HEXB: variants seen among roughly 807,000 people sequenced by gnomAD.
HEXB encodes beta-hexosaminidase subunit beta.
A neutral mutation model predicts 71.2 loss-of-function variants in HEXB; 51 were observed. The ratio of observed to expected loss-of-function variants is 0.72; its 90% CI spans 0.57 to 0.90. HEXB has a LOEUF of 0.90. Ranked by LOEUF, HEXB falls within the 40% of genes least tolerant of loss-of-function variation. The pLI is 0.00. For synonymous variants in HEXB, 266 were observed against 249.3 expected, an observed-to-expected ratio of 1.07 and a Z score of -0.63; for missense variants, 617 against 677.0, an observed-to-expected ratio of 0.91 and a Z score of 0.98.
intron 6 of HEXB, among the ~76,000 whole-genome samples, chr5:74,706,577 C>T (rs1007601940): frequency 1.3e-5 from 2 of 152,162 alleles, no homozygotes; most frequent in Admixed American, 6.5e-5. Flanking sequence ...CCGGGAAAAT[C>T]GGGTCACTCC....
At chr5:74,712,337 G>C (rs1228610325) in intron 6 of HEXB, among the ~76,000 whole-genome samples, 1 of 150,058 alleles carries the variant, frequency 6.7e-6, no homozygotes, top group South Asian at 2.1e-4. Flanking sequence ...GCTAGATGAC[G>C]AGTTAGTGGG....
intron 3 of HEXB, among the ~76,000 whole-genome samples, chr5:74,694,852 C>A (rs552889182): frequency 6.6e-6 from 1 of 151,972 alleles, no homozygotes; most frequent in South Asian, 2.1e-4. Context: ...TGCCTGTAAT[C>A]CCAACTACTT....
chr5:74,644,345 G>T (rs1394588180), intron 1 of HEXB, among the ~76,000 whole-genome samples: 1 of 152,218 alleles, frequency 6.6e-6, no homozygotes, highest in Non-Finnish European at 1.5e-5. Context: ...TTTGGGCAAG[G>T]TGGTGCTCTT....
rs144593440 is a variant in HEXB at position 74,652,814 on chromosome 5, G to A, written c.-377+12256G>A. ...TCCAATAAGGTGGCTACTCAGTCTT[G>A]TCTCACTGCAGTCCCAGGCCCATCC... On this transcript the variant is annotated intron_variant, in intron 1 of 13. Coordinates refer to the HEXB transcript ENST00000511181. The surrounding 1 kb of genome is among the most constrained non-coding windows in gnomAD (Gnocchi z 5.4). Among the ~76,000 whole-genome samples, 11 of 152,184 alleles carry A rather than the reference G, an allele frequency of 7.2e-5. No individual in the cohort carries two copies. Among genetic ancestry groups the A allele is most frequent in the Admixed American group, 3.3e-4 (5 of 15,284 alleles).
intron 6 of HEXB, among the ~76,000 whole-genome samples, chr5:74,712,930 A>G (rs1749583541): frequency 6.6e-6 from 1 of 152,204 alleles, no homozygotes; most frequent in Non-Finnish European, 1.5e-5. Context: ...ATTAAAAAAA[A>G]ACAAGTCACT....
intron 3 of HEXB, among the ~76,000 whole-genome samples, chr5:74,695,262 G>A (rs537250210): frequency 2.1e-5 from 3 of 142,144 alleles, no homozygotes; most frequent in South Asian, 4.7e-4. Flanking sequence ...GGAGTGCAGT[G>A]GTGAAATCTC....
intron 1 of HEXB, among the ~76,000 whole-genome samples, chr5:74,649,066 TGTGTGTA>T (rs1249220009): frequency 2.0e-5 from 3 of 152,148 alleles, no homozygotes; most frequent in African/African-American, 7.2e-5. Flanking sequence ...CAATGAACAT[TGTGTGTA>T]GACCCTTGTG....
Position 74,718,292 on chromosome 5 carries a change from G to A in HEXB, c.1171G>A (p.Val391Ile). 1 of 1,594,924 alleles carries A rather than the reference G, an allele frequency of 6.3e-7. No homozygotes were observed. Among genetic ancestry groups the A allele is most frequent in the Non-Finnish European group, 8.6e-7 (1 of 1,162,742 alleles). The change falls in exon 10 of 14, where the codon GTT (valine) becomes ATT (isoleucine). Residue 391 changes from valine (V) to isoleucine (I), a missense_variant and splice_region_variant. Val to Ile is a conservative substitution (Grantham distance 29, BLOSUM62 3). Transcript: ENST00000261416. ...ACTATAATTTTTTTGTAATACTAGG[G>A]TTTTGGATATTATTGCAACCATAAA... ...KKLESFYIQK[V>I]LDIIATINKG... is the part of the protein sequence containing the mutation.
At chr5:74,701,710 C>G (rs1371278859) in intron 5 of HEXB, among the ~76,000 whole-genome samples, 1 of 151,984 alleles carries the variant, frequency 6.6e-6, no homozygotes, top group African/African-American at 2.4e-5. Flanking sequence ...CCCAGATACT[C>G]CACTTTAAAA....
intron 1 of HEXB, among the ~76,000 whole-genome samples, chr5:74,669,593 T>A (rs1421409566): frequency 6.6e-6 from 1 of 152,142 alleles, no homozygotes; most frequent in Non-Finnish European, 1.5e-5. Flanking sequence ...CTGAATAGGA[T>A]CTATATCAGG....
At chr5:74,695,201 C>CT (rs35812692) in intron 3 of HEXB, among the ~76,000 whole-genome samples, 2,254 of 114,430 alleles carry the variant, frequency 0.02, 116 homozygotes, top group African/African-American at 0.05. Flanking sequence ...AGAAGAGACG[C>CT]TTTTTTTTTT....
rs1328038052 is a variant in HEXB at position 74,652,704 on chromosome 5, C to T, written c.-377+12146C>T. On this transcript the variant is annotated intron_variant, in intron 1 of 13. Coordinates refer to the HEXB transcript ENST00000511181. The surrounding 1 kb of genome is among the most constrained non-coding windows in gnomAD (Gnocchi z 5.4). Reference sequence around the variant, plus strand: ...CAAGTTCCAAAGTGTTCTTGAGCAGCCAAAAGTCAGGGATAGAGGCTCATC... The same window carrying T: ...CAAGTTCCAAAGTGTTCTTGAGCAGTCAAAAGTCAGGGATAGAGGCTCATC... 6.6e-6 allele frequency among the ~76,000 whole-genome samples: 1 copy of T among 152,102 alleles called. No homozygotes were observed. The highest frequency in any genetic ancestry group is 2.4e-5 in the African/African-American group (1 of 41,394).
At position 74,721,229 on chromosome 5, in the gene HEXB, G is replaced by GAAATCATGTAAA; in HGVS notation, c.*56_*67dup. On this transcript the variant is annotated 3_prime_UTR_variant, in exon 14 of 14. Coordinates refer to ENST00000261416, the MANE Select transcript of HEXB (RefSeq NM_000521.4). ...TCTGTACTACAATCAACTTTATTTTGAAATCATGTAAAATAAGATATTAGA... is the reference window on the plus strand; with the variant it reads ...TCTGTACTACAATCAACTTTATTTTGAAATCATGTAAAAAATCATGTAAAATAAGATATTAGA... 7.5e-7 allele frequency: 1 copy of GAAATCATGTAAA among 1,331,984 alleles called. No individual in the cohort carries two copies. The highest frequency in any genetic ancestry group is 1.1e-6 in the Non-Finnish European group (1 of 923,462). The allele number at this position is 1,331,984 out of a possible 1,614,324, so 82.5% of individuals were successfully genotyped here.
chr5:74,683,402 C>T (rs996131242), upstream of HEXB, among the ~76,000 whole-genome samples: 6 of 151,932 alleles, frequency 3.9e-5, no homozygotes, highest in African/African-American at 1.5e-4. Flanking sequence ...CTCCCAGGTT[C>T]AAGTGATTCT....
intron 1 of HEXB, among the ~76,000 whole-genome samples, chr5:74,648,052 G>C (rs1324955158): frequency 6.6e-6 from 1 of 152,182 alleles, no homozygotes. Context: ...AGGCTGAAAT[G>C]CCACCATTTA....
rs1221602339 is a variant in HEXB at position 74,696,641 on chromosome 5, C to T, written c.512-52C>T. 3 of 942,054 alleles carry T rather than the reference C, an allele frequency of 3.2e-6. No homozygotes were observed. In the Admixed American group the frequency reaches 5.3e-5, roughly 17 times the overall value. 58.4% of individuals were successfully genotyped at this position (942,054 alleles called of 1,614,324 possible). ...TCTGTTTGAATAATATAACTTTTAT[C>T]ATCTCAATTTGTTGATTTATAAATT... On this transcript the variant is annotated intron_variant, in intron 3 of 13. Coordinates refer to ENST00000261416, the MANE Select transcript of HEXB (RefSeq NM_000521.4).
intron 2 of HEXB, chr5:74,689,953 A>G (rs1217336551): frequency 1.7e-5 from 3 of 177,664 alleles, no homozygotes; most frequent in Admixed American, 1.2e-4. Context: ...ATGTTCTGTC[A>G]CTATATGGAT....
intron 9 of HEXB, among the ~76,000 whole-genome samples, chr5:74,717,495 T>TATATATAC (rs1491136831): frequency 6.6e-5 from 10 of 150,894 alleles, no homozygotes; most frequent in African/African-American, 2.5e-4. Context: ...TATATATATA[T>TATATATAC]ACACATTTCC....
At position 74,685,410 on chromosome 5, in the gene HEXB, C is replaced by T. The variant is rs779421706; in HGVS notation, c.150C>T (p.Ala50=). 114 of 1,597,314 alleles carry T rather than the reference C, an allele frequency of 7.1e-5. 1 individual carries two copies. The South Asian group carries it at 1.2e-3, about 17-fold the overall frequency. The change falls in exon 1 of 14, where the codon GCC becomes GCT. Residue 50 remains alanine (A), a synonymous_variant. Transcript: ENST00000261416. The part of the protein sequence containing the change: ...AEAARAPSVS[A]KPGPALWPLP... ...CGGCTCGGGCCCCGAGCGTCTCGGC[C>T]AAGCCGGGGCCGGCGCTGTGGCCCC...
Sources: allele counts gnomAD v4.1 joint callset (sites outside exome capture counted in the v4.1 genomes callset), GRCh38; gene constraint gnomAD v4.1.1; non-coding constraint Gnocchi (gnomAD v3.1); transcripts MANE v1.5; gene names NCBI Gene and HGNC (gene_info 2026-07-23, HGNC 2026-07-21).